The following FBXL13 variants were observed in gnomAD, a reference collection of about 807,000 sequenced individuals.
FBXL13 encodes F-box and leucine rich repeat protein 13, also known as F-box and leucine-rich repeat protein 13.
In FBXL13, 67 loss-of-function variants were observed where a neutral mutation model predicts 83.6. The observed-to-expected ratio is 0.80, with a 90% confidence interval of 0.66 to 0.98. FBXL13 has a LOEUF of 0.98. FBXL13 is among the 50% of genes least tolerant of loss of function. The pLI is 0.00. For synonymous variants in FBXL13, 272 were observed against 299.5 expected (o/e 0.91, Z 0.95); for missense variants, 822 against 866.5 (o/e 0.95, Z 0.64).
chr7:103,018,028 T>C (rs1792593732), intron 6 of FBXL13, among the ~76,000 whole-genome samples: 1 of 151,882 alleles, frequency 6.6e-6, no homozygotes, highest in South Asian at 2.1e-4. Flanking sequence ...ATTGTCAGAT[T>C]CACCAAAGTT....
chr7:103,037,542 C>T (rs1055818846), intron 2 of FBXL13, among the ~76,000 whole-genome samples: 11 of 151,968 alleles, frequency 7.2e-5, no homozygotes, highest in East Asian at 1.9e-4. Context: ...CAGTGGGTCA[C>T]GCCTATAATC....
At chr7:102,813,566 G>A in intron 19 of FBXL13, 35 bp from the exon 21 acceptor site, 1 of 1,592,778 alleles carries the variant, frequency 6.3e-7, no homozygotes. Flanking sequence ...GCTAGTTGCA[G>A]AAGTAACCCC....
At chr7:103,048,478 C>T (rs1362548922) in intron 2 of FBXL13, among the ~76,000 whole-genome samples, 2 of 150,874 alleles carry the variant, frequency 1.3e-5, no homozygotes, top group Non-Finnish European at 2.9e-5. Flanking sequence ...ACATGAAAAT[C>T]TTGTTCAAGA....
intron 18 of FBXL13, among the ~76,000 whole-genome samples, chr7:102,828,917 G>C (rs1219278749): frequency 6.6e-6 from 1 of 152,098 alleles, no homozygotes; most frequent in Non-Finnish European, 1.5e-5. Context: ...GTAGCCTTGG[G>C]CACACCCAGT....
At chr7:102,817,580 A>G (rs1798178728) in intron 19 of FBXL13, among the ~76,000 whole-genome samples, 1 of 152,192 alleles carries the variant, frequency 6.6e-6, no homozygotes, top group Non-Finnish European at 1.5e-5. Context: ...TTTGCTGTGC[A>G]GAAGCTCTTA....
rs182925081 is a variant in FBXL13 at position 102,957,565 on chromosome 7, C to T, written c.724+5968G>A. The stretch of plus-strand genomic sequence containing the variant: ...CTAATCAAACTAAAGAGCTTCTGCA[C>T]GGGAAAAAAACTGCCATCAGAGTGA... On this transcript the variant is annotated intron_variant, in intron 8 of 19. Coordinates refer to ENST00000313221, the Ensembl canonical transcript of FBXL13. 9.3e-4 allele frequency among the ~76,000 whole-genome samples: 141 copies of T among 151,908 alleles called. 1 individual carries two copies. Among genetic ancestry groups the T allele is most frequent in the Admixed American group, 2.0e-3 (30 of 15,250 alleles).
chr7:103,029,293 G>T, intron 3 of FBXL13, 58 bp downstream of exon 4: 2 of 1,080,146 alleles, frequency 1.9e-6, no homozygotes, highest in Non-Finnish European at 2.7e-6. Context: ...TTCTTTGCAC[G>T]GAGAATATCA....
chr7:102,951,306 G>T lies in FBXL13; in HGVS notation c.724+12227C>A, dbSNP rs1163749062. On this transcript the variant is annotated intron_variant, in intron 8 of 19. Coordinates refer to ENST00000313221, the Ensembl canonical transcript of FBXL13. ...ACATGGTGAAACCCCATCTCCACTA[G>T]CAGAGGTTGCAGTGAGCCAAGATCA... 2.0e-5 allele frequency among the ~76,000 whole-genome samples: 3 copies of T among 151,196 alleles called. No individual in the cohort carries two copies. The Admixed American group carries it at 2.0e-4, about 10-fold the overall frequency.
At chr7:102,913,666 GGA>G (rs1815221432) in intron 10 of FBXL13, among the ~76,000 whole-genome samples, 2 of 152,184 alleles carry the variant, frequency 1.3e-5, no homozygotes, top group South Asian at 4.1e-4. Flanking sequence ...GACTGTTACA[GGA>G]GAGTGAGGAT....
intron 1 of FBXL13, among the ~76,000 whole-genome samples, chr7:103,068,958 C>T (rs528183420): frequency 9.6e-4 from 147 of 152,376 alleles, no homozygotes; most frequent in Admixed American, 3.1e-3. Flanking sequence ...ACGGCCACCA[C>T]GCCATCTGGG....
intron 6 of FBXL13, among the ~76,000 whole-genome samples, chr7:102,985,296 A>G (rs1828807410): frequency 6.6e-6 from 1 of 152,240 alleles, no homozygotes; most frequent in South Asian, 2.1e-4. Flanking sequence ...TAGCACATCC[A>G]GCTATGTGAC....
chr7:103,039,139 A>G (rs567700794), intron 2 of FBXL13, among the ~76,000 whole-genome samples: 2 of 152,232 alleles, frequency 1.3e-5, no homozygotes, highest in African/African-American at 4.8e-5. Flanking sequence ...GACCTGATGG[A>G]GCTGAAAACC....
intron 2 of FBXL13, among the ~76,000 whole-genome samples, chr7:103,038,779 A>G (rs1795349391): frequency 6.6e-6 from 1 of 152,248 alleles, no homozygotes; most frequent in South Asian, 2.1e-4. Context: ...ATGAACATCA[A>G]CAAAAATGAC....
intron 6 of FBXL13, among the ~76,000 whole-genome samples, chr7:103,011,174 G>A (rs1791574943): frequency 6.6e-6 from 1 of 152,168 alleles, no homozygotes; most frequent in Non-Finnish European, 1.5e-5. Flanking sequence ...TAGTTCCCTA[G>A]CAATGATTCT....
chr7:102,936,804 G>A (rs1820401115), intron 8 of FBXL13, among the ~76,000 whole-genome samples: 1 of 148,902 alleles, frequency 6.7e-6, no homozygotes, highest in Non-Finnish European at 1.5e-5. Context: ...CTTCTACAAC[G>A]AGACTACACT....
chr7:103,070,663 G>C (rs186729435), intron 1 of FBXL13, among the ~76,000 whole-genome samples: 1 of 152,172 alleles, frequency 6.6e-6, no homozygotes, highest in Non-Finnish European at 1.5e-5. Context: ...GCATCTGCTC[G>C]GCTTCTGGCG....
intron 1 of FBXL13, among the ~76,000 whole-genome samples, chr7:103,060,767 G>A (rs1051191507): frequency 3.3e-5 from 5 of 152,154 alleles, no homozygotes; most frequent in African/African-American, 1.2e-4. Flanking sequence ...CAAAAGTGCA[G>A]AGATAAAAGT....
At chr7:103,038,245 G>A (rs115241217) in intron 2 of FBXL13, among the ~76,000 whole-genome samples, 1,680 of 152,294 alleles carry the variant, frequency 0.011, 35 homozygotes, top group African/African-American at 0.039. Flanking sequence ...GCAGATTGGC[G>A]GGGGGAGGGG....
intron 8 of FBXL13, chr7:102,932,950 T>C (rs1428641654): frequency 6.6e-6 from 1 of 152,248 alleles, no homozygotes; most frequent in African/African-American, 2.4e-5. Context: ...CAAGGAGATA[T>C]AGCAGTTAAC....
Sources: gnomAD v4.1 joint callset for allele counts (sites outside exome capture counted in the v4.1 genomes callset) on GRCh38, gnomAD v4.1.1 for gene constraint, MANE v1.5 for transcripts, NCBI Gene and HGNC (gene_info 2026-07-23, HGNC 2026-07-21) for gene names.